GPC5: variants seen among roughly 807,000 people sequenced by gnomAD.
GPC5 encodes the protein glypican 5.
A neutral mutation model predicts 53.9 loss-of-function variants in GPC5; 47 were observed. The ratio of observed to expected loss-of-function variants is 0.87; its 90% confidence interval spans 0.69 to 1.11. The LOEUF is 1.11. GPC5 is among the 50% of genes most tolerant of loss of function. The probability of loss-of-function intolerance (pLI) is 0.00; values close to 1 mark genes in which losing one functional copy is unlikely to be tolerated. For synonymous variants in GPC5, 286 were observed against 263.3 expected, an observed-to-expected ratio of 1.09 and a Z score of -0.84; for missense variants, 748 against 713.1, an observed-to-expected ratio of 1.05 and a Z score of -0.56.
intron 2 of GPC5, among the ~76,000 whole-genome samples, chr13:91,600,715 T>C (rs980279454): frequency 2.0e-5 from 3 of 152,148 alleles, no homozygotes; most frequent in South Asian, 2.1e-4. Flanking sequence ...ATAATTCTTA[T>C]AGCAAACCCA....
At chr13:92,401,031 T>C (rs1875532798) in intron 7 of GPC5, among the ~76,000 whole-genome samples, 1 of 152,106 alleles carries the variant, frequency 6.6e-6, no homozygotes, top group South Asian at 2.1e-4. Context: ...ATTTAGGAAA[T>C]ACAATAATGT....
intron 7 of GPC5, among the ~76,000 whole-genome samples, chr13:92,227,304 A>G (rs112273170): frequency 0.014 from 2,193 of 152,248 alleles, 54 homozygotes; most frequent in African/African-American, 0.049. Flanking sequence ...GAAAAACGCA[A>G]ACAAAAAAAC....
intron 3 of GPC5, among the ~76,000 whole-genome samples, chr13:91,713,524 G>C (rs1441190264): frequency 6.6e-6 from 1 of 152,082 alleles, no homozygotes; most frequent in Non-Finnish European, 1.5e-5. Context: ...ATAAAAAGTA[G>C]TTTATTCCTA....
At chr13:91,624,658 A>C (rs1429967036) in intron 2 of GPC5, among the ~76,000 whole-genome samples, 3 of 151,998 alleles carry the variant, frequency 2.0e-5, no homozygotes, top group African/African-American at 4.8e-5. Context: ...AAAAATAGAA[A>C]TTTTGCATTT....
intron 7 of GPC5, among the ~76,000 whole-genome samples, chr13:92,385,151 A>G (rs998096819): frequency 6.6e-6 from 1 of 151,766 alleles, no homozygotes; most frequent in African/African-American, 2.4e-5. Flanking sequence ...AAATATTCTG[A>G]TGGTAGCCTA....
At chr13:92,017,961 A>T (rs1043273672) in intron 6 of GPC5, among the ~76,000 whole-genome samples, 1 of 151,776 alleles carries the variant, frequency 6.6e-6, no homozygotes, top group Non-Finnish European at 1.5e-5. Context: ...ATGCACGAGT[A>T]CATACACGTG....
intron 7 of GPC5, among the ~76,000 whole-genome samples, chr13:92,791,664 T>C (rs1876468191): frequency 6.6e-6 from 1 of 152,144 alleles, no homozygotes. Flanking sequence ...AAACATGATC[T>C]GTGGTTACAG....
At chr13:92,249,319 G>A (rs2042675698) in intron 7 of GPC5, among the ~76,000 whole-genome samples, 1 of 152,096 alleles carries the variant, frequency 6.6e-6, no homozygotes, top group East Asian at 1.9e-4. Context: ...AGTTTCATGA[G>A]ATCACTAAAT....
rs186340430 is a variant in GPC5 at position 92,512,995 on chromosome 13, G to T, written c.1562-353287G>T. On this transcript the variant is annotated intron_variant, in intron 7 of 7. Transcript: ENST00000377067. ...AGAGTTCCTGGATAACAGCCACATT[G>T]CTACATCCTGGCAACTGTCCTCCAT... Among the ~76,000 whole-genome samples the T allele has an allele frequency of 2.7e-3, 406 of 152,304 alleles. 1 individual carries two copies. The highest frequency in any genetic ancestry group is 9.5e-3 in the African/African-American group (395 of 41,568).
In GPC5 at chr13:92,664,029, G is replaced by A. The variant is rs878913971; in HGVS notation, c.1562-202253G>A. Reference sequence around the variant, plus strand: ...AGAGGTTGCAGTGAGCCGAGATTGCGCCACTGCACTCCAGCCTGGGCGACA... The same window carrying A: ...AGAGGTTGCAGTGAGCCGAGATTGCACCACTGCACTCCAGCCTGGGCGACA... On this transcript the variant is annotated intron_variant, in intron 7 of 7. Coordinates refer to ENST00000377067, the MANE Select transcript of GPC5 (RefSeq NM_004466.6). Among the ~76,000 whole-genome samples, 12 of 150,952 alleles carry A rather than the reference G, an allele frequency of 7.9e-5. 1 individual carries two copies. The highest frequency in any genetic ancestry group is 6.8e-3 in the Middle Eastern group (2 of 294).
chr13:92,545,436 G>A (rs1018135361), intron 7 of GPC5, among the ~76,000 whole-genome samples: 13 of 152,280 alleles, frequency 8.5e-5, no homozygotes, highest in Middle Eastern at 6.8e-3. Flanking sequence ...TATATACCCA[G>A]TAATGGGATG....
chr13:92,802,010 G>A (rs1399621452), intron 7 of GPC5, among the ~76,000 whole-genome samples: 1 of 151,714 alleles, frequency 6.6e-6, no homozygotes, highest in Non-Finnish European at 1.5e-5. Flanking sequence ...TATTTATGAA[G>A]TCTACAGTAG....
chr13:91,978,031 T>C (rs1433418621), intron 6 of GPC5, among the ~76,000 whole-genome samples: 2 of 151,686 alleles, frequency 1.3e-5, no homozygotes, highest in African/African-American at 4.8e-5. Flanking sequence ...TGTACACTTG[T>C]AGTCCCAGCT....
chr13:91,525,126 T>C (rs921418737), intron 2 of GPC5, among the ~76,000 whole-genome samples: 1 of 152,232 alleles, frequency 6.6e-6, no homozygotes, highest in Non-Finnish European at 1.5e-5. Context: ...GTGCAGCTTG[T>C]TCCTCTATAC....
rs147372536 is a variant in GPC5 at position 91,674,910 on chromosome 13, G to A, written c.326-18277G>A. Among the ~76,000 whole-genome samples the A allele has an allele frequency of 4.6e-3, 692 of 151,964 alleles. 5 individuals carry two copies. The highest frequency in any genetic ancestry group is 0.024 in the Middle Eastern group (7 of 292). On this transcript the variant is annotated intron_variant, in intron 2 of 7. Coordinates refer to ENST00000377067, the MANE Select transcript of GPC5 (RefSeq NM_004466.6). ...TACTGTTTTCAAAATCCAGCAGGCA[G>A]AGGCCACCCAAAATTCCTATTACTT...
intron 7 of GPC5, among the ~76,000 whole-genome samples, chr13:92,419,372 T>C (rs1464764994): frequency 1.3e-5 from 2 of 152,162 alleles, no homozygotes; most frequent in African/African-American, 2.4e-5. Flanking sequence ...CACTCTCTCT[T>C]AAATGGTGCT....
At chr13:91,572,137 A>ACG (rs1491495809) in intron 2 of GPC5, among the ~76,000 whole-genome samples, 2 of 141,564 alleles carry the variant, frequency 1.4e-5, no homozygotes, top group Non-Finnish European at 1.5e-5. Flanking sequence ...GTATATACAC[A>ACG]TATGTATATA....
intron 7 of GPC5, among the ~76,000 whole-genome samples, chr13:92,643,045 T>C (rs1885646157): frequency 6.6e-6 from 1 of 152,224 alleles, no homozygotes; most frequent in Non-Finnish European, 1.5e-5. Context: ...TCTGTTCATG[T>C]CCTTTGCCCA....
chr13:92,829,579 A>G (rs1276485749), intron 7 of GPC5, among the ~76,000 whole-genome samples: 2 of 152,184 alleles, frequency 1.3e-5, no homozygotes, highest in Non-Finnish European at 2.9e-5. Flanking sequence ...GTCAAAACAG[A>G]ATACAATTCT....
Sources: gnomAD v4.1 joint callset for allele counts (sites outside exome capture counted in the v4.1 genomes callset) on GRCh38, gnomAD v4.1.1 for gene constraint, MANE v1.5 for transcripts, NCBI Gene and HGNC (gene_info 2026-07-23, HGNC 2026-07-21) for gene names.